TLE3: variants seen among roughly 807,000 people sequenced by gnomAD.
TLE3 encodes TLE family member 3, transcriptional corepressor.
A neutral mutation model predicts 93.0 loss-of-function variants in TLE3; 14 were observed. That is an observed-to-expected ratio of 0.15 (90% confidence interval 0.10 to 0.24). The LOEUF (loss-of-function observed/expected upper bound fraction) is 0.24. Ranked by LOEUF, TLE3 falls within the 10% of genes least tolerant of loss-of-function variation. TLE3 has a pLI of 1.00. For missense variants in TLE3, 693 were observed against 1,046.6 expected, an observed-to-expected ratio of 0.66 and a Z score of 4.66; for synonymous variants, 451 against 425.0, an observed-to-expected ratio of 1.06 and a Z score of -0.75.
At chr15:70,080,821 G>A (rs1354234643) in intron 4 of TLE3, among the ~76,000 whole-genome samples, 5 of 152,252 alleles carry the variant, frequency 3.3e-5, no homozygotes, top group East Asian at 1.9e-4. Context: ...TAAGGGAAAC[G>A]GAGCCTGCTC....
chr15:70,086,340 T>C (rs1567047068), intron 4 of TLE3, among the ~76,000 whole-genome samples: 2 of 152,138 alleles, frequency 1.3e-5, no homozygotes, highest in East Asian at 3.8e-4. Context: ...ATTATCAGAA[T>C]TAATCAGTTT....
At chr15:70,069,117 A>C (rs78773431) in intron 6 of TLE3, among the ~76,000 whole-genome samples, 3,214 of 152,276 alleles carry the variant, frequency 0.021, 140 homozygotes, top group East Asian at 0.21. Context: ...AGAAACAGAG[A>C]CTGTGTCTTC....
intron 7 of TLE3, among the ~76,000 whole-genome samples, chr15:70,065,541 G>T (rs773254498): frequency 2.0e-5 from 3 of 152,254 alleles, no homozygotes; most frequent in Non-Finnish European, 2.9e-5. Flanking sequence ...AAACACCCAA[G>T]AACTTGGCAC....
At chr15:70,051,507 A>G (rs779537698) in intron 18 of TLE3, 40 bp from the exon 19 acceptor site, 2 of 1,564,658 alleles carry the variant, frequency 1.3e-6, no homozygotes, top group East Asian at 2.3e-5. Context: ...GTTGTAGCTC[A>G]CTGCCCTCTA....
intron 6 of TLE3, among the ~76,000 whole-genome samples, chr15:70,070,519 G>A (rs1039185203): frequency 6.6e-6 from 1 of 152,194 alleles, no homozygotes; most frequent in Non-Finnish European, 1.5e-5. Context: ...CAAGGACAGC[G>A]AGAACAGCTC....
chr15:70,078,033 G>A (rs189996264), intron 4 of TLE3, among the ~76,000 whole-genome samples: 9 of 152,280 alleles, frequency 5.9e-5, no homozygotes, highest in African/African-American at 1.2e-4. Flanking sequence ...TGTGGAGCCC[G>A]TTCTGTGCAC....
chr15:70,057,372 C>T, intron 13 of TLE3, 87 bp downstream of exon 13: 2 of 1,462,820 alleles, frequency 1.4e-6, no homozygotes, highest in Non-Finnish European at 1.8e-6. Context: ...CTGAGGGGCC[C>T]CTTTAGCATG....
intron 4 of TLE3, chr15:70,079,550 T>G (rs1014054492): frequency 5.1e-6 from 2 of 394,794 alleles, no homozygotes; most frequent in Admixed American, 4.9e-5. Flanking sequence ...CCCCACAAAG[T>G]GGAAGCAGGG....
rs375128475 is a variant in TLE3, at chr15:70,054,644, A to G, written c.1620T>C (p.Asp540=). The change falls in exon 16 of 20, where the codon GAT becomes GAC. Residue 540 remains aspartate (D), a synonymous_variant. Coordinates refer to ENST00000451782, the MANE Select transcript of TLE3 (RefSeq NM_001105192.3). The part of the protein sequence containing the change: ...NYIRSCKLLP[D]GRTLIVGGEA... The stretch of plus-strand genomic sequence containing the variant: ...CGCCGCCCACGATGAGCGTGCGCCC[A>G]TCAGGGAGCAGCTTGCAGGAGCGGA... 6.2e-7 allele frequency: 1 copy of G among 1,607,264 alleles called. No individual in the cohort carries two copies. The highest frequency in any genetic ancestry group is 1.7e-5 in the Admixed American group (1 of 59,660).
chr15:70,095,554 C>A, intron 3 of TLE3, 24 bp downstream of exon 3: 3 of 1,549,766 alleles, frequency 1.9e-6, no homozygotes, highest in Non-Finnish European at 2.6e-6. Context: ...CCAACCGCCC[C>A]CCAGGCCCGC....
At chr15:70,072,563 C>G (rs1208331280) in intron 6 of TLE3, among the ~76,000 whole-genome samples, 1 of 152,230 alleles carries the variant, frequency 6.6e-6, no homozygotes, top group Non-Finnish European at 1.5e-5. Context: ...AGGCCACCCT[C>G]CAGGGCTGCA....
At chr15:70,093,856 G>A (rs1339734628) in intron 4 of TLE3, among the ~76,000 whole-genome samples, 2 of 152,168 alleles carry the variant, frequency 1.3e-5, no homozygotes, top group African/African-American at 4.8e-5. Flanking sequence ...TCAACCCCCA[G>A]CCATCTCGAA....
At chr15:70,066,849 CAG>C (rs1317486024) in intron 6 of TLE3, 1 of 298,812 alleles carries the variant, frequency 3.3e-6, no homozygotes, top group Non-Finnish European at 7.1e-6. Context: ...TGGAACTAGA[CAG>C]AACAGGATTG....
At position 70,053,318 on chromosome 15, in the gene TLE3, G is replaced by T; in HGVS notation, c.1883C>A (p.Thr628Asn). The T allele has an allele frequency of 1.2e-6, 2 of 1,609,188 alleles. No homozygotes were observed. Among genetic ancestry groups the T allele is most frequent in the Non-Finnish European group, 1.7e-6 (2 of 1,177,708 alleles). Residue 628 changes from threonine (T) to asparagine (N), a missense_variant, in exon 17 of 20, where the codon ACC becomes AAC. Thr to Asn is a moderately conservative substitution (Grantham distance 65). This residue lies in a region of TLE3 where 153 missense variants were observed against 379.9 expected (regional missense o/e 0.40). Coordinates refer to ENST00000451782, the MANE Select transcript of TLE3 (RefSeq NM_001105192.3). The stretch of plus-strand genomic sequence containing the variant: ...GTCCAGGCCCCCTGTCCACAGTTTG[G>T]TGCCATCATGGGAGATGTCTATGCA... ...ASCIDISHDG[T>N]KLWTGGLDNT... is the part of the protein sequence containing the mutation.
chr15:70,096,611 C>T (rs2058575438), intron 1 of TLE3, 164 bp downstream of exon 1: 5 of 1,541,346 alleles, frequency 3.2e-6, no homozygotes, highest in Non-Finnish European at 4.4e-6. Context: ...AATTAACCTC[C>T]TCTCTCAACG....
chr15:70,060,678 A>G (rs746470709), intron 8 of TLE3, 29 bp from the exon 9 acceptor site: 1 of 1,611,390 alleles, frequency 6.2e-7, no homozygotes. Flanking sequence ...TTCGGGGTTA[A>G]AACTTTCTGC....
chr15:70,087,158 G>A (rs929939633), intron 4 of TLE3, among the ~76,000 whole-genome samples: 1 of 152,138 alleles, frequency 6.6e-6, no homozygotes, highest in Non-Finnish European at 1.5e-5. Context: ...GTATGGGCCA[G>A]GCACTGCTCA....
At chr15:70,079,195 C>T (rs1276178978) in intron 4 of TLE3, among the ~76,000 whole-genome samples, 1 of 151,984 alleles carries the variant, frequency 6.6e-6, no homozygotes, top group African/African-American at 2.4e-5. Flanking sequence ...ACACCACAAA[C>T]AAGCATCAAC....
intron 8 of TLE3, among the ~76,000 whole-genome samples, chr15:70,063,843 T>G (rs1330644849): frequency 6.6e-6 from 1 of 152,154 alleles, no homozygotes; most frequent in Non-Finnish European, 1.5e-5. Context: ...TGCTAGCACT[T>G]TCTTAAATCG....
Sources: gnomAD v4.1 joint callset for allele counts (sites outside exome capture counted in the v4.1 genomes callset) on GRCh38, gnomAD v4.1.1 for gene constraint, gnomAD v4.1.1 regional missense constraint, MANE v1.5 for transcripts, NCBI Gene and HGNC (gene_info 2026-07-23, HGNC 2026-07-21) for gene names.